Variants in TMPRSS7 observed in about 807,000 individuals in gnomAD.
The protein encoded by TMPRSS7 is transmembrane serine protease 7, also known as transmembrane protease serine 7.
TMPRSS7 carries 81 observed loss-of-function variants against 95.6 expected under a neutral mutation model. The observed-to-expected ratio is 0.85, with a 90% confidence interval of 0.71 to 1.02. The LOEUF is 1.02. Ranked by LOEUF, TMPRSS7 falls within the 50% of genes least tolerant of loss-of-function variation. TMPRSS7 has a pLI of 0.00. For missense variants in TMPRSS7, 945 were observed against 955.2 expected, an observed-to-expected ratio of 0.99 and a Z score of 0.14; for synonymous variants, 364 against 337.8, an observed-to-expected ratio of 1.08 and a Z score of -0.85.
exon 10 of TMPRSS7, chr3:112,057,063 T>C (rs2073441840): frequency 6.2e-7 from 1 of 1,613,224 alleles, no homozygotes; most frequent in Admixed American, 1.7e-5. Context: ...TGAAATTCTA[T>C]AACTATTCAA....
At chr3:112,073,119 T>A (rs1208152502) in intron 13 of TMPRSS7, among the ~76,000 whole-genome samples, 1 of 144,772 alleles carries the variant, frequency 6.9e-6, no homozygotes, top group Non-Finnish European at 1.5e-5. Context: ...TGAGACAGAA[T>A]CTTGCTCTGT....
At chr3:112,052,600 T>C (rs554281953) in intron 9 of TMPRSS7, among the ~76,000 whole-genome samples, 1 of 151,816 alleles carries the variant, frequency 6.6e-6, no homozygotes, top group African/African-American at 2.4e-5. Context: ...AAGCAGCAAG[T>C]CTGAGGAGGA....
exon 15 of TMPRSS7, chr3:112,075,422 G>A (rs1317248443): frequency 1.3e-6 from 2 of 1,552,602 alleles, no homozygotes; most frequent in Non-Finnish European, 8.7e-7. Context: ...TGTTGGATCT[G>A]CCTACTGTGG....
rs73856350 is a variant in TMPRSS7 at position 112,078,353 on chromosome 3, C to T, written c.2225-389C>T. Among the ~76,000 whole-genome samples, 503 of 152,318 alleles carry T rather than the reference C, an allele frequency of 3.3e-3. 3 individuals are homozygous for T. Among genetic ancestry groups the T allele is most frequent in the African/African-American group, 0.01 (431 of 41,568 alleles). On this transcript the variant is annotated intron_variant, in intron 16 of 17. Transcript: ENST00000452346. The stretch of plus-strand genomic sequence containing the variant: ...TGCAAACTGTTAGGTTTTTATGGTT[C>T]ATCAGAGACTCCCATATATCAGTTA...
intron 1 of TMPRSS7, among the ~76,000 whole-genome samples, chr3:112,035,571 G>C (rs1483101896): frequency 6.6e-6 from 1 of 152,182 alleles, no homozygotes; most frequent in Non-Finnish European, 1.5e-5. Context: ...AAGAGAAGGA[G>C]AGAACTCTTA....
chr3:112,078,565 A>T (rs1196358172), intron 16 of TMPRSS7, among the ~76,000 whole-genome samples, 177 bp from the exon 17 acceptor site: 1 of 152,174 alleles, frequency 6.6e-6, no homozygotes, highest in Non-Finnish European at 1.5e-5. Flanking sequence ...CAAGCCCTTT[A>T]ATCTCCTAGC....
rs1433765151 is a variant in TMPRSS7 at position 112,039,391 on chromosome 3, G to T, written c.298+1070G>T. On this transcript the variant is annotated intron_variant, in intron 2 of 17. Transcript: ENST00000452346. ...ATACATACATTTTGTTATAATATTTGATTGTAGTCCTTAGATCCTAACACA... is the reference window on the plus strand; with the variant it reads ...ATACATACATTTTGTTATAATATTTTATTGTAGTCCTTAGATCCTAACACA... Among the ~76,000 whole-genome samples the T allele has an allele frequency of 3.3e-5, 5 of 152,294 alleles. No homozygotes were observed. The East Asian group carries it at 9.6e-4, about 29-fold the overall frequency.
At chr3:112,045,603 A>G (rs2073268844) in intron 4 of TMPRSS7, 147 bp from the exon 5 acceptor site, 1 of 708,042 alleles carries the variant, frequency 1.4e-6, no homozygotes, top group African/African-American at 1.8e-5. Context: ...GCCAATCTTC[A>G]TAACAGACGT....
chr3:112,078,791 TC>T lies in TMPRSS7; in HGVS notation c.2275del (p.Gln759LysfsTer20), dbSNP rs761492541. The T allele has an allele frequency of 9.3e-6, 15 of 1,614,108 alleles. No individual in the cohort carries two copies. The highest frequency in any genetic ancestry group is 1.3e-5 in the Non-Finnish European group (15 of 1,180,042). ...AGCAAGCGGAGGTAGAGCTCATTGA[TC>T]AAACGCTCTGTGTTTCCACCTACGG... On this transcript the variant is annotated frameshift_variant, in exon 17 of 18. Transcript: ENST00000452346. LOFTEE classifies it high-confidence loss of function.
At chr3:112,073,375 G>T (rs112182064) in intron 13 of TMPRSS7, among the ~76,000 whole-genome samples, 4,548 of 152,084 alleles carry the variant, frequency 0.03, 191 homozygotes, top group African/African-American at 0.088. Flanking sequence ...ATTACAGGCA[G>T]GAGCCACCTG....
At chr3:112,039,737 T>C (rs1458266029) in intron 2 of TMPRSS7, 1 of 152,174 alleles carries the variant, frequency 6.6e-6, no homozygotes, top group East Asian at 1.9e-4. Flanking sequence ...TCCTTTATAA[T>C]AAAGAAGGAA....
intron 10 of TMPRSS7, 134 bp from the exon 11 acceptor site, chr3:112,061,653 C>G: frequency 1.1e-6 from 1 of 910,388 alleles, no homozygotes; most frequent in Admixed American, 2.7e-5. Context: ...GAATGAATAA[C>G]TACCATTAGC....
rs1320950706 is a variant in TMPRSS7 at position 112,061,939 on chromosome 3, C to A, written c.1447+16C>A. 1.3e-6 allele frequency: 2 copies of A among 1,583,184 alleles called. No individual in the cohort carries two copies. Among genetic ancestry groups the A allele is most frequent in the Non-Finnish European group, 1.7e-6 (2 of 1,163,666 alleles). ...ATCAGTCAACGTAAGCCTAGGATCA[C>A]CTCCTTAGGAAAACTTAATACTTAC... is the stretch of plus-strand genomic sequence containing the variant. On this transcript the variant is annotated intron_variant, in intron 11 of 17. Transcript: ENST00000452346.
exon 18 of TMPRSS7, chr3:112,080,983 A>G: frequency 1.2e-6 from 2 of 1,613,966 alleles, no homozygotes; most frequent in South Asian, 1.1e-5. Flanking sequence ...TGGCATTGTT[A>G]GCTGGGGACA....
At chr3:112,037,966 T>C (rs1419440601) in intron 1 of TMPRSS7, 106 bp from the exon 2 acceptor site, 2 of 617,232 alleles carry the variant, frequency 3.2e-6, no homozygotes, top group East Asian at 2.7e-5. Context: ...AATGCTTAAA[T>C]AGTCATATTT....
chr3:112,081,131 T>C, exon 18 of TMPRSS7: 1 of 1,545,318 alleles, frequency 6.5e-7, no homozygotes, highest in Non-Finnish European at 8.7e-7. Flanking sequence ...AAATAGATAC[T>C]TTAAAATGAT....
chr3:112,075,110 G>A (rs10511304), intron 14 of TMPRSS7, among the ~76,000 whole-genome samples: 20,639 of 152,160 alleles, frequency 0.14, 1,768 homozygotes, highest in Non-Finnish European at 0.2. Context: ...CTGCGTTGTG[G>A]TATAGAGACT....
intron 7 of TMPRSS7, among the ~76,000 whole-genome samples, chr3:112,048,672 C>T (rs1233167914): frequency 6.6e-6 from 1 of 152,092 alleles, no homozygotes; most frequent in Non-Finnish European, 1.5e-5. Context: ...TGCAACAATG[C>T]TTTATGTGTG....
intron 1 of TMPRSS7, among the ~76,000 whole-genome samples, chr3:112,037,717 C>A (rs1190890578): frequency 6.6e-6 from 1 of 152,086 alleles, no homozygotes; most frequent in African/African-American, 2.4e-5. Context: ...TCCCCGGACA[C>A]CCAGCTTTAA....
Sources: allele counts gnomAD v4.1 joint callset (sites outside exome capture counted in the v4.1 genomes callset), GRCh38; gene constraint gnomAD v4.1.1; transcripts MANE v1.5; gene names NCBI Gene and HGNC (gene_info 2026-07-23, HGNC 2026-07-21).